The following COL5A2 variants were observed in gnomAD, a reference collection of about 807,000 sequenced individuals.
COL5A2 encodes collagen alpha-2(V) chain.
In COL5A2, 23 loss-of-function variants were observed where a neutral mutation model predicts 208.2. The observed-to-expected ratio is 0.11, with a 90% CI of 0.08 to 0.16. The LOEUF (loss-of-function observed/expected upper bound fraction) is 0.16. COL5A2 is among the 10% of genes least tolerant of loss of function. The pLI is 1.00. For synonymous variants in COL5A2, 625 were observed against 628.5 expected, an observed-to-expected ratio of 0.99 and a Z score of 0.08; for missense variants, 1,590 against 1,956.4, an observed-to-expected ratio of 0.81 and a Z score of 3.53.
intron 1 of COL5A2, among the ~76,000 whole-genome samples, chr2:189,215,205 C>T (rs923896699): frequency 6.6e-6 from 1 of 151,992 alleles, no homozygotes; most frequent in Non-Finnish European, 1.5e-5. Context: ...TCTAATCATC[C>T]CTGTTTACCT....
intron 1 of COL5A2, among the ~76,000 whole-genome samples, chr2:189,140,177 T>C (rs1209870978): frequency 6.6e-6 from 1 of 152,110 alleles, no homozygotes; most frequent in Non-Finnish European, 1.5e-5. Flanking sequence ...AGAATAAAAA[T>C]AAGAATCAAA....
At chr2:189,349,986 A>G in the COL5A2 span, among the ~76,000 whole-genome samples, 4 of 152,218 alleles carry the variant, frequency 2.6e-5, no homozygotes, top group Non-Finnish European at 4.4e-5. Flanking sequence ...ATTGGATCTC[A>G]TATCAAAGCA....
At chr2:189,367,940 T>C in the COL5A2 span, among the ~76,000 whole-genome samples, 1 of 152,188 alleles carries the variant, frequency 6.6e-6, no homozygotes, top group Admixed American at 6.5e-5. Context: ...TTTTAAGCAA[T>C]CTAGATTTTA....
At chr2:189,205,499 C>A (rs887208869) in intron 1 of COL5A2, among the ~76,000 whole-genome samples, 1 of 152,160 alleles carries the variant, frequency 6.6e-6, no homozygotes, top group African/African-American at 2.4e-5. Context: ...AATAATGGAA[C>A]TGAATGCTGA....
At chr2:189,306,718 T>A in the COL5A2 span, among the ~76,000 whole-genome samples, 3 of 152,240 alleles carry the variant, frequency 2.0e-5, no homozygotes, top group Non-Finnish European at 2.9e-5. Flanking sequence ...TACTTGACAT[T>A]GCTTTTCACA....
At chr2:189,088,882 G>A in intron 7 of COL5A2, 110 bp from the exon 8 acceptor site, 2 of 892,962 alleles carry the variant, frequency 2.2e-6, no homozygotes, top group Non-Finnish European at 3.8e-6. Flanking sequence ...TGACTCTTCT[G>A]AGAATCATTC....
intron 1 of COL5A2, among the ~76,000 whole-genome samples, chr2:189,219,394 A>G (rs1303403504): frequency 6.6e-6 from 1 of 152,152 alleles, no homozygotes; most frequent in African/African-American, 2.4e-5. Flanking sequence ...TTATTTTTTC[A>G]TTCTAAATAA....
chr2:189,207,744 A>G (rs1220850703), intron 1 of COL5A2, among the ~76,000 whole-genome samples: 1 of 152,176 alleles, frequency 6.6e-6, no homozygotes, highest in African/African-American at 2.4e-5. Context: ...TGAAAAGGAT[A>G]AAGGATCCCC....
chr2:189,410,647 C>T, the COL5A2 span, among the ~76,000 whole-genome samples: 2 of 151,906 alleles, frequency 1.3e-5, no homozygotes, highest in Non-Finnish European at 2.9e-5. Context: ...TTCAATAATG[C>T]TTTGTTTTTT....
the COL5A2 span, among the ~76,000 whole-genome samples, chr2:189,300,768 T>C: frequency 2.6e-5 from 4 of 152,234 alleles, no homozygotes; most frequent in Non-Finnish European, 5.9e-5. Flanking sequence ...GGAGTTTTCA[T>C]TCTAATGCTG....
intron 1 of COL5A2, among the ~76,000 whole-genome samples, chr2:189,155,571 C>T (rs543335550): frequency 1.2e-3 from 179 of 152,198 alleles, no homozygotes; most frequent in Non-Finnish European, 2.3e-3. Context: ...TAAATTTAAA[C>T]AGCTACATGT....
chr2:189,214,472 C>A (rs2105871474), intron 1 of COL5A2, among the ~76,000 whole-genome samples: 1 of 152,124 alleles, frequency 6.6e-6, no homozygotes, highest in Admixed American at 6.5e-5. Context: ...TTTATACATA[C>A]ATACATATAG....
intron 1 of COL5A2, among the ~76,000 whole-genome samples, chr2:189,220,077 G>A (rs1689328664): frequency 6.6e-6 from 1 of 152,060 alleles, no homozygotes; most frequent in Admixed American, 6.6e-5. Context: ...TGCCCACCTG[G>A]CTGTCACTAG....
chr2:189,359,860 T>G, the COL5A2 span, among the ~76,000 whole-genome samples: 617 of 152,324 alleles, frequency 4.1e-3, 7 homozygotes, highest in African/African-American at 0.014. Flanking sequence ...TGGCATATAG[T>G]TACCATAGTA....
At position 189,054,203 on chromosome 2, in the gene COL5A2, C is replaced by A; in HGVS notation, c.2401G>T (p.Gly801Cys). 1 of 1,613,790 alleles carries A rather than the reference C, an allele frequency of 6.2e-7. No homozygotes were observed. The highest frequency in any genetic ancestry group is 8.5e-7 in the Non-Finnish European group (1 of 1,179,688). ...GCCGGACCTGGAGGGCCCAAAGGAC[C>A]TGGAAGACCCTGTCAATTAACAGAA... is the stretch of plus-strand genomic sequence containing the variant. ...AGNDGARGLP[G>C]PLGPPGPAGP... Residue 801 changes from glycine to cysteine, a missense_variant, in exon 36 of 54, where the codon GGT (glycine) becomes TGT (cysteine). Transcript: ENST00000374866.
the COL5A2 span, among the ~76,000 whole-genome samples, chr2:189,288,298 G>A: frequency 6.6e-6 from 1 of 152,080 alleles, no homozygotes; most frequent in East Asian, 1.9e-4. Flanking sequence ...AGGTATTAGG[G>A]GTTTTTTCTA....
At chr2:189,152,922 G>A (rs1187816189) in intron 1 of COL5A2, among the ~76,000 whole-genome samples, 1 of 152,082 alleles carries the variant, frequency 6.6e-6, no homozygotes, top group African/African-American at 2.4e-5. Context: ...AGTCTGCACT[G>A]TAAAATCAAC....
the COL5A2 span, among the ~76,000 whole-genome samples, chr2:189,269,607 A>C: frequency 6.6e-6 from 1 of 152,120 alleles, no homozygotes; most frequent in Non-Finnish European, 1.5e-5. Context: ...GTGGTGGATA[A>C]GCTTTTTGAT....
intron 47 of COL5A2, among the ~76,000 whole-genome samples, chr2:189,044,968 C>T (rs988448722): frequency 2.6e-5 from 4 of 151,750 alleles, no homozygotes; most frequent in African/African-American, 9.7e-5. Context: ...TGATATAATT[C>T]ATGGTTAAAT....
Sources: allele counts gnomAD v4.1 joint callset (sites outside exome capture counted in the v4.1 genomes callset), GRCh38; gene constraint gnomAD v4.1.1; transcripts MANE v1.5; gene names NCBI Gene and HGNC (gene_info 2026-07-23, HGNC 2026-07-21).